COL8A1: variants seen among roughly 807,000 people sequenced by gnomAD.
The protein encoded by COL8A1 is collagen alpha-1(VIII) chain.
COL8A1 carries 21 observed loss-of-function variants against 42.7 expected under a neutral mutation model. The observed-to-expected ratio is 0.49, with a 90% confidence interval of 0.35 to 0.71. COL8A1 has a LOEUF of 0.71. Ranked by LOEUF, COL8A1 falls within the 30% of genes least tolerant of loss-of-function variation. COL8A1 has a pLI of 0.01. For synonymous variants in COL8A1, 367 were observed against 369.1 expected, an observed-to-expected ratio of 0.99 and a Z score of 0.06; for missense variants, 788 against 962.4, an observed-to-expected ratio of 0.82 and a Z score of 2.40.
Position 99,795,736 on chromosome 3 carries a change from C to T in COL8A1, c.1835C>T (p.Ala612Val). ...AAGAAAGGCAAGAATGGAGGGCCAGCCTATGAGATGCCTGCATTTACCGCC... is the reference window on the plus strand; with the variant it reads ...AAGAAAGGCAAGAATGGAGGGCCAGTCTATGAGATGCCTGCATTTACCGCC... ...GAKKGKNGGP[A>V]YEMPAFTAEL... The change falls in exon 4 of 4, where the codon GCC (alanine) becomes GTC (valine). Residue 612 changes from alanine (A) to valine (V), a missense_variant. Around this residue, in one of 4 missense-constraint regions of COL8A1, gnomAD observed 212 missense variants for 210.9 expected, o/e 1.00. Coordinates refer to ENST00000652472, the MANE Select transcript of COL8A1 (RefSeq NM_020351.4). 6.2e-7 allele frequency: 1 copy of T among 1,614,114 alleles called. No individual in the cohort carries two copies. Among genetic ancestry groups the T allele is most frequent in the African/African-American group, 1.3e-5 (1 of 75,020 alleles).
At chr3:99,697,531 A>T (rs1939414998) in intron 1 of COL8A1, among the ~76,000 whole-genome samples, 1 of 152,206 alleles carries the variant, frequency 6.6e-6, no homozygotes, top group Non-Finnish European at 1.5e-5. Flanking sequence ...CTGAGATAAA[A>T]GCATGTTTTA....
At chr3:99,681,561 G>A (rs996865449) in intron 1 of COL8A1, among the ~76,000 whole-genome samples, 1 of 152,172 alleles carries the variant, frequency 6.6e-6, no homozygotes, top group Non-Finnish European at 1.5e-5. Flanking sequence ...ACTATGAAGT[G>A]TGGCTTAATA....
At chr3:99,645,218 G>T (rs1311332451) in intron 1 of COL8A1, among the ~76,000 whole-genome samples, 1 of 152,122 alleles carries the variant, frequency 6.6e-6, no homozygotes, top group South Asian at 2.1e-4. Flanking sequence ...TCTACTTAGC[G>T]ATTGCCCAGT....
chr3:99,715,845 A>G (rs1158773752), intron 1 of COL8A1, among the ~76,000 whole-genome samples: 2 of 152,070 alleles, frequency 1.3e-5, no homozygotes, highest in East Asian at 3.9e-4. Flanking sequence ...AAAGTCTTGA[A>G]GTGTTTACTC....
chr3:99,714,656 C>G (rs1939944151), intron 1 of COL8A1, among the ~76,000 whole-genome samples: 1 of 152,080 alleles, frequency 6.6e-6, no homozygotes, highest in Non-Finnish European at 1.5e-5. Context: ...TCCATCCATT[C>G]TTCATTCATT....
rs1403482684 is a variant in COL8A1 at position 99,794,355 on chromosome 3, C to A, written c.454C>A (p.Gln152Lys). The change falls in exon 4 of 4, where the codon CAG becomes AAG. Residue 152 changes from glutamine to lysine, a missense_variant. By Grantham distance (53) the Gln-to-Lys change is moderately conservative. Transcript: ENST00000652472. The surrounding 1 kb of genome is among the most constrained non-coding windows in gnomAD (Gnocchi z 4.3). ...TGGAATTAAAGGAAAACCAGGGCCA[C>A]AGGGATATCCAGGAGTTGGAAAGCC... Reference protein sequence around the residue: ...IPGIKGKPGPQGYPGVGKPGM... With the variant: ...IPGIKGKPGPKGYPGVGKPGM... 1.2e-6 allele frequency: 2 copies of A among 1,613,804 alleles called. No homozygotes were observed. The highest frequency in any genetic ancestry group is 1.7e-6 in the Non-Finnish European group (2 of 1,179,954).
chr3:99,738,791 G>A (rs561262922), intron 1 of COL8A1, among the ~76,000 whole-genome samples: 89 of 152,354 alleles, frequency 5.8e-4, no homozygotes, highest in African/African-American at 2.1e-3. Context: ...ACCTAATCAA[G>A]CCTGAGCAAT....
intron 1 of COL8A1, among the ~76,000 whole-genome samples, chr3:99,731,934 A>C (rs1576452713): frequency 6.6e-6 from 1 of 152,274 alleles, no homozygotes; most frequent in East Asian, 1.9e-4. Context: ...AAAACTATTA[A>C]GGCCACATAA....
intron 1 of COL8A1, chr3:99,678,920 G>A (rs1045055912): frequency 3.3e-5 from 5 of 151,866 alleles, no homozygotes; most frequent in South Asian, 2.1e-4. Context: ...TTTCTTTCTT[G>A]CACTAGAAAT....
chr3:99,667,127 T>G (rs1463803458), intron 1 of COL8A1, among the ~76,000 whole-genome samples: 1 of 152,164 alleles, frequency 6.6e-6, no homozygotes, highest in African/African-American at 2.4e-5. Context: ...AAAACCTAAA[T>G]CCAAACCCTC....
In COL8A1 at chr3:99,790,916, G is replaced by C; in HGVS notation, c.234G>C (p.Gln78His). ...LAMGKEMPHL[Q>H]YGKEYPHLPQ... ...TGGGCAAGGAGATGCCCCACTTGCA[G>C]TATGGCAAAGAGTATCCACACCTAC... Residue 78 changes from glutamine (Q) to histidine (H), a missense_variant, in exon 3 of 4, where the codon CAG (glutamine) becomes CAC (histidine). By Grantham distance (24) the Gln-to-His change is conservative. Around this residue, in one of 4 missense-constraint regions of COL8A1, gnomAD observed 421 missense variants for 553.1 expected, o/e 0.76. Coordinates refer to ENST00000652472, the MANE Select transcript of COL8A1 (RefSeq NM_020351.4). The C allele has an allele frequency of 6.2e-7, 1 of 1,614,222 alleles. No homozygotes were observed. The highest frequency in any genetic ancestry group is 8.5e-7 in the Non-Finnish European group (1 of 1,180,030).
intron 1 of COL8A1, among the ~76,000 whole-genome samples, chr3:99,660,763 G>A (rs1409566006): frequency 6.6e-6 from 1 of 152,108 alleles, no homozygotes; most frequent in East Asian, 1.9e-4. Flanking sequence ...CCTAGGGCTG[G>A]GGGCAGAACC....
chr3:99,744,509 G>A (rs550833123), intron 1 of COL8A1, among the ~76,000 whole-genome samples: 6 of 152,302 alleles, frequency 3.9e-5, no homozygotes, highest in African/African-American at 1.4e-4. Context: ...ACTGCTATAT[G>A]TAAATTGACA....
chr3:99,668,976 A>G (rs554725531), intron 1 of COL8A1, among the ~76,000 whole-genome samples: 26 of 151,912 alleles, frequency 1.7e-4, no homozygotes, highest in African/African-American at 5.5e-4. Context: ...GAAATTGGGC[A>G]TAGCTTAACT....
intron 2 of COL8A1, among the ~76,000 whole-genome samples, chr3:99,761,933 C>A (rs1326190309): frequency 6.6e-6 from 1 of 152,094 alleles, no homozygotes; most frequent in Non-Finnish European, 1.5e-5. Context: ...ATTAAGAATT[C>A]CAGCTATTCC....
chr3:99,772,397 T>C (rs922765446), intron 2 of COL8A1, among the ~76,000 whole-genome samples: 5 of 152,164 alleles, frequency 3.3e-5, no homozygotes, highest in African/African-American at 1.2e-4. Context: ...ATTATGCATT[T>C]GTCAAAACTC....
intron 1 of COL8A1, among the ~76,000 whole-genome samples, chr3:99,724,140 A>T (rs1289704353): frequency 6.6e-6 from 1 of 152,100 alleles, no homozygotes; most frequent in Non-Finnish European, 1.5e-5. Context: ...ACATGACTGG[A>T]TGCTCAAAAA....
At chr3:99,738,986 T>C (rs1434261694) in intron 1 of COL8A1, among the ~76,000 whole-genome samples, 1 of 152,164 alleles carries the variant, frequency 6.6e-6, no homozygotes, top group Non-Finnish European at 1.5e-5. Context: ...GACCCAATTT[T>C]CCAGGTGCTG....
chr3:99,691,510 G>A (rs1939217668), intron 1 of COL8A1: 1 of 151,890 alleles, frequency 6.6e-6, no homozygotes, highest in African/African-American at 2.4e-5. Context: ...GGATCTTCTT[G>A]GAAGAAATGT....
Sources: gnomAD v4.1 joint callset for allele counts (sites outside exome capture counted in the v4.1 genomes callset) on GRCh38, gnomAD v4.1.1 for gene constraint, gnomAD v4.1.1 regional missense constraint, Gnocchi (gnomAD v3.1) non-coding constraint, MANE v1.5 for transcripts, NCBI Gene and HGNC (gene_info 2026-07-23, HGNC 2026-07-21) for gene names.